The following NEURL1 variants were observed in gnomAD, a reference collection of about 807,000 sequenced individuals.
NEURL1 encodes the protein neuralized E3 ubiquitin protein ligase 1, also known as E3 ubiquitin-protein ligase NEURL1.
NEURL1 carries 26 observed loss-of-function variants against 41.2 expected under a neutral mutation model. That is an observed-to-expected ratio of 0.63 (90% confidence interval 0.46 to 0.87). The LOEUF is 0.87. Among genes scored for constraint, NEURL1 ranks in the 40% least tolerant of loss-of-function variants. The pLI, the probability that NEURL1 is intolerant of heterozygous loss-of-function variation, is 0.00. For synonymous variants in NEURL1, 400 were observed against 402.3 expected, an observed-to-expected ratio of 0.99 and a Z score of 0.07; for missense variants, 761 against 871.1, an observed-to-expected ratio of 0.87 and a Z score of 1.59.
At chr10:103,536,687 A>G (rs1351784856) in intron 1 of NEURL1, among the ~76,000 whole-genome samples, 1 of 152,108 alleles carries the variant, frequency 6.6e-6, no homozygotes, top group Non-Finnish European at 1.5e-5. Context: ...TTAATGGACA[A>G]TCCTTTAGGG....
At chr10:103,550,115 T>C (rs2035003188) in intron 1 of NEURL1, among the ~76,000 whole-genome samples, 1 of 152,190 alleles carries the variant, frequency 6.6e-6, no homozygotes, top group Non-Finnish European at 1.5e-5. Flanking sequence ...TGCCTTAGAC[T>C]TTGAGTTCTG....
intron 2 of NEURL1, among the ~76,000 whole-genome samples, 161 bp downstream of exon 2, chr10:103,571,274 T>G (rs552332765): frequency 2.6e-5 from 4 of 152,182 alleles, no homozygotes; most frequent in Non-Finnish European, 5.9e-5. Flanking sequence ...TCCCTCTTCC[T>G]TATGCCTTTC....
At chr10:103,499,068 A>G (rs1011243452) in intron 1 of NEURL1, among the ~76,000 whole-genome samples, 7 of 152,192 alleles carry the variant, frequency 4.6e-5, no homozygotes, top group Non-Finnish European at 8.8e-5. Flanking sequence ...TACACCTCCC[A>G]TCTTTCAAAA....
intron 1 of NEURL1, among the ~76,000 whole-genome samples, chr10:103,568,195 T>G (rs1206684361): frequency 6.6e-6 from 1 of 152,210 alleles, no homozygotes; most frequent in African/African-American, 2.4e-5. Flanking sequence ...TCTGTTGTGC[T>G]GCCAGCCAGG....
chr10:103,498,794 A>G (rs1212335272), intron 1 of NEURL1, among the ~76,000 whole-genome samples: 6 of 152,122 alleles, frequency 3.9e-5, no homozygotes, highest in Non-Finnish European at 8.8e-5. Flanking sequence ...AGGATACAAT[A>G]TTTGTCCTTT....
chr10:103,519,213 C>T (rs374901215), intron 1 of NEURL1, among the ~76,000 whole-genome samples: 63 of 152,136 alleles, frequency 4.1e-4, no homozygotes, highest in African/African-American at 1.3e-3. Flanking sequence ...TGCCATCACA[C>T]TCCAGCCTAG....
intron 1 of NEURL1, among the ~76,000 whole-genome samples, chr10:103,502,345 C>A (rs1019214807): frequency 6.6e-6 from 1 of 152,186 alleles, no homozygotes; most frequent in African/African-American, 2.4e-5. Context: ...GTCCTGGAGG[C>A]TGGAAGTCTG....
At chr10:103,577,994 G>A (rs1268235109) in intron 3 of NEURL1, 1 of 152,166 alleles carries the variant, frequency 6.6e-6, no homozygotes, top group Non-Finnish European at 1.5e-5. Context: ...GATTGTACTG[G>A]GGCCTTGGAG....
intron 1 of NEURL1, among the ~76,000 whole-genome samples, chr10:103,539,554 G>T (rs1262818937): frequency 1.3e-5 from 2 of 152,150 alleles, no homozygotes; most frequent in Non-Finnish European, 2.9e-5. Flanking sequence ...TCTCATTATG[G>T]GTGGCAGTTC....
In NEURL1 at chr10:103,585,143, C is replaced by G; in HGVS notation, c.1257C>G (p.Gly419=). 1 of 1,592,378 alleles carries G rather than the reference C, an allele frequency of 6.3e-7. No individual in the cohort carries two copies. The highest frequency in any genetic ancestry group is 8.5e-7 in the Non-Finnish European group (1 of 1,176,254). ...LHLSHNGAAA[G]MQLCVDASQP... The stretch of plus-strand genomic sequence containing the variant: ...TCAGCCACAATGGCGCGGCCGCCGG[C>G]ATGCAGCTGTGCGTGGACGCCTCGC... The change falls in exon 4 of 6, where the codon GGC becomes GGG. Residue 419 remains glycine (G), a synonymous_variant. Coordinates refer to ENST00000369780, the MANE Select transcript of NEURL1 (RefSeq NM_004210.5).
At chr10:103,559,799 C>T (rs1392138343) in intron 1 of NEURL1, among the ~76,000 whole-genome samples, 1 of 152,048 alleles carries the variant, frequency 6.6e-6, no homozygotes, top group Non-Finnish European at 1.5e-5. Flanking sequence ...TGTGGAGGCT[C>T]CTCTAGGTCT....
chr10:103,571,487 C>G lies in NEURL1; in HGVS notation c.328-14C>G. ...GTGGGAGAGGGTGGGCTGAGGCCAC[C>G]CCCTGCCACCCAGATCACCAAGAAG... is the stretch of plus-strand genomic sequence containing the variant. On this transcript the variant is annotated splice_polypyrimidine_tract_variant and intron_variant, in intron 2 of 5. Coordinates refer to ENST00000369780, the MANE Select transcript of NEURL1 (RefSeq NM_004210.5). 1 of 1,589,100 alleles carries G rather than the reference C, an allele frequency of 6.3e-7. No homozygotes were observed. The highest frequency in any genetic ancestry group is 2.2e-5 in the East Asian group (1 of 44,698).
intron 1 of NEURL1, chr10:103,515,241 AAAAAAAAAAAAAAAAG>A: frequency 1.2e-5 from 1 of 82,826 alleles, no homozygotes; most frequent in Non-Finnish European, 3.1e-5. Flanking sequence ...AAAAAAAAAA[AAAAAAAAAAAAAAAAG>A]AAACATCAAG....
At chr10:103,531,144 C>G (rs947876819) in intron 1 of NEURL1, among the ~76,000 whole-genome samples, 6 of 151,878 alleles carry the variant, frequency 4.0e-5, no homozygotes, top group Admixed American at 3.3e-4. Context: ...TGCTTGAACC[C>G]AGGAGGCGGA....
At chr10:103,561,167 C>T (rs1004671220) in intron 1 of NEURL1, among the ~76,000 whole-genome samples, 4 of 152,090 alleles carry the variant, frequency 2.6e-5, no homozygotes, top group African/African-American at 9.7e-5. Context: ...CCCGAGGGAG[C>T]AATTCAGGAG....
chr10:103,589,161 G>A (rs1370502244), intron 4 of NEURL1, among the ~76,000 whole-genome samples: 1 of 152,110 alleles, frequency 6.6e-6, no homozygotes. Context: ...ACATGCTCCG[G>A]CCCAGGAAGC....
intron 1 of NEURL1, among the ~76,000 whole-genome samples, chr10:103,548,504 G>A (rs2034969283): frequency 6.6e-6 from 1 of 151,100 alleles, no homozygotes; most frequent in South Asian, 2.1e-4. Flanking sequence ...TGTATTTTTA[G>A]TAGAGACAGG....
chr10:103,509,353 G>A (rs2986056), intron 1 of NEURL1, among the ~76,000 whole-genome samples: 1 of 152,130 alleles, frequency 6.6e-6, no homozygotes, highest in Non-Finnish European at 1.5e-5. Context: ...AGCACAGAGT[G>A]CACTTACACA....
At chr10:103,559,965 T>C (rs749685207) in intron 1 of NEURL1, among the ~76,000 whole-genome samples, 3 of 150,900 alleles carry the variant, frequency 2.0e-5, no homozygotes, top group Non-Finnish European at 3.0e-5. Context: ...TGCACGCACA[T>C]ATATACACAT....
Sources: allele counts gnomAD v4.1 joint callset (sites outside exome capture counted in the v4.1 genomes callset), GRCh38; gene constraint gnomAD v4.1.1; transcripts MANE v1.5; gene names NCBI Gene and HGNC (gene_info 2026-07-23, HGNC 2026-07-21).